Variants in LIN28B observed in about 807,000 individuals in gnomAD.
LIN28B encodes the protein protein lin-28 homolog B.
A neutral mutation model predicts 21.9 loss-of-function variants in LIN28B; 5 were observed. The ratio of observed to expected loss-of-function variants is 0.23; its 90% confidence interval spans 0.12 to 0.48. LIN28B has a LOEUF of 0.48. Ranked by LOEUF, LIN28B falls within the 20% of genes least tolerant of loss-of-function variation. The pLI, the probability that LIN28B is intolerant of heterozygous loss-of-function variation, is 0.98. For missense variants in LIN28B, 245 were observed against 310.5 expected (o/e 0.79, Z 1.58); for synonymous variants, 109 against 111.3 (o/e 0.98, Z 0.13).
chr6:105,063,425 C>T (rs559279670), intron 3 of LIN28B, among the ~76,000 whole-genome samples: 1 of 152,132 alleles, frequency 6.6e-6, no homozygotes, highest in Non-Finnish European at 1.5e-5. Flanking sequence ...CACTTGAGGT[C>T]AGGAGTTCAA....
chr6:104,974,834 T>TTA (rs1562078033), intron 2 of LIN28B, among the ~76,000 whole-genome samples: 49 of 150,738 alleles, frequency 3.3e-4, no homozygotes, highest in Admixed American at 9.2e-4. Context: ...TATTATTATT[T>TTA]TTTGAGATGG....
intron 2 of LIN28B, among the ~76,000 whole-genome samples, chr6:105,020,900 C>T (rs1771126966): frequency 6.6e-6 from 1 of 151,690 alleles, no homozygotes; most frequent in Admixed American, 6.6e-5. Flanking sequence ...CTACAGACGC[C>T]CACCACCACG....
chr6:104,957,286 C>G, intron 1 of LIN28B, 26 bp downstream of exon 1: 16 of 1,540,870 alleles, frequency 1.0e-5, no homozygotes, highest in Non-Finnish European at 1.3e-5. Flanking sequence ...TATTGTTTTA[C>G]TGTGAATTTC....
At chr6:104,976,241 A>G (rs2114598078) in intron 2 of LIN28B, among the ~76,000 whole-genome samples, 1 of 152,316 alleles carries the variant, frequency 6.6e-6, no homozygotes, top group East Asian at 1.9e-4. Context: ...CATCACACAA[A>G]TGAAAGTAAA....
chr6:105,044,582 C>A (rs1771703250), intron 3 of LIN28B, among the ~76,000 whole-genome samples: 1 of 152,126 alleles, frequency 6.6e-6, no homozygotes, highest in African/African-American at 2.4e-5. Flanking sequence ...AATTTCAATT[C>A]CCACAATGAA....
Position 105,079,015 on chromosome 6 carries a change from TGA to T in LIN28B, c.*236_*237del. 1 of 470,238 alleles carries T rather than the reference TGA, an allele frequency of 2.1e-6. No homozygotes were observed. Among genetic ancestry groups the T allele is most frequent in the Non-Finnish European group, 3.8e-6 (1 of 264,750 alleles). 29.1% of individuals were successfully genotyped at this position (470,238 alleles called of 1,614,324 possible). A position where few individuals can be genotyped will look rare whatever the true frequency, so the allele number is the denominator to read the frequency against. ...CTATGTCTGTCAATATGTGCATGTG[TGA>T]GAGGGAGAGAGCCTGAGTCTGTGTG... On this transcript the variant is annotated 3_prime_UTR_variant, in exon 4 of 4. Coordinates refer to ENST00000345080, the MANE Select transcript of LIN28B (RefSeq NM_001004317.4).
At chr6:104,993,363 G>T (rs1770534348) in intron 2 of LIN28B, among the ~76,000 whole-genome samples, 1 of 152,116 alleles carries the variant, frequency 6.6e-6, no homozygotes, top group Admixed American at 6.6e-5. Flanking sequence ...GAGCTACTTG[G>T]GAGGCTGAGG....
chr6:105,080,060 C>T lies in LIN28B; in HGVS notation c.*1277C>T, dbSNP rs905676108. On this transcript the variant is annotated 3_prime_UTR_variant, in exon 4 of 4. Transcript: ENST00000345080. The stretch of plus-strand genomic sequence containing the variant: ...GTAACTTTGATCTTATGGAAGTGAC[C>T]TTCAATGCTTATTCTGAAGTAACCT... The T allele has an allele frequency of 2.0e-5, 3 of 152,116 alleles. No homozygotes were observed. Among genetic ancestry groups the T allele is most frequent in the African/African-American group, 2.4e-5 (1 of 41,386 alleles). 9.4% of individuals were successfully genotyped at this position (152,116 alleles called of 1,614,324 possible).
chr6:104,981,065 G>T (rs1381649462), intron 2 of LIN28B, among the ~76,000 whole-genome samples: 2 of 152,138 alleles, frequency 1.3e-5, no homozygotes, highest in Non-Finnish European at 2.9e-5. Context: ...AAAATACAGT[G>T]TAATAAAGGA....
intron 3 of LIN28B, among the ~76,000 whole-genome samples, chr6:105,049,525 G>T (rs941087020): frequency 6.6e-6 from 1 of 152,152 alleles, no homozygotes; most frequent in Non-Finnish European, 1.5e-5. Context: ...GGTCCGCTTG[G>T]TCCAGAGCTG....
At chr6:104,952,991 C>T (rs1381884298), upstream of LIN28B, among the ~76,000 whole-genome samples, 5 of 152,208 alleles carry the variant, frequency 3.3e-5, no homozygotes, top group Non-Finnish European at 7.3e-5. Flanking sequence ...CTGCAAGACC[C>T]AAGCACCCAG....
chr6:104,995,874 G>T (rs1770588624), intron 2 of LIN28B, among the ~76,000 whole-genome samples: 1 of 151,410 alleles, frequency 6.6e-6, no homozygotes, highest in Admixed American at 6.6e-5. Context: ...AAGTAGCTTG[G>T]GCTTATATAA....
At chr6:104,979,557 C>G (rs1770177024) in intron 2 of LIN28B, among the ~76,000 whole-genome samples, 1 of 151,846 alleles carries the variant, frequency 6.6e-6, no homozygotes, top group African/African-American at 2.4e-5. Flanking sequence ...GAGATAACCA[C>G]TGCTTACCCT....
chr6:105,030,592 CTTTT>C (rs980799980), intron 3 of LIN28B, among the ~76,000 whole-genome samples: 5 of 106,596 alleles, frequency 4.7e-5, no homozygotes, highest in East Asian at 2.6e-4. Flanking sequence ...TTCTTTCTTT[CTTTT>C]TTTTTTTTTT....
At chr6:104,946,749 A>G (rs772562356) in intron 2 of LIN28B, among the ~76,000 whole-genome samples, 1 of 152,204 alleles carries the variant, frequency 6.6e-6, no homozygotes. Context: ...GTTCAGTGAT[A>G]GTTGACACAT....
At chr6:105,047,781 T>C (rs1771801579) in intron 3 of LIN28B, among the ~76,000 whole-genome samples, 1 of 152,190 alleles carries the variant, frequency 6.6e-6, no homozygotes, top group Non-Finnish European at 1.5e-5. Flanking sequence ...TTTGAAGCAA[T>C]TGTGAATGGG....
chr6:104,991,605 T>C (rs1770481379), intron 2 of LIN28B, among the ~76,000 whole-genome samples: 1 of 151,444 alleles, frequency 6.6e-6, no homozygotes. Context: ...ACTTCCCAGA[T>C]GGGGTGGTGG....
At position 105,066,417 on chromosome 6, in the gene LIN28B, C is replaced by T. The variant is rs144582855; in HGVS notation, c.384-11997C>T. Among the ~76,000 whole-genome samples the T allele has an allele frequency of 1.1e-3, 165 of 152,240 alleles. 4 individuals are homozygous for T. The East Asian group carries it at 0.028, about 26-fold the overall frequency. ...ACTAGGGTAACATCTTTTAATCTAG[C>T]GCCCTTTTGCCCCTGGCTTGCAAAC... is the stretch of plus-strand genomic sequence containing the variant. On this transcript the variant is annotated intron_variant, in intron 3 of 3. Transcript: ENST00000345080.
chr6:104,949,181 C>G (rs1169717557), intron 2 of LIN28B, among the ~76,000 whole-genome samples: 1 of 152,056 alleles, frequency 6.6e-6, no homozygotes, highest in Admixed American at 6.6e-5. Context: ...TACAGTTGTG[C>G]TGAAATATTT....
Sources: allele counts gnomAD v4.1 joint callset (sites outside exome capture counted in the v4.1 genomes callset), GRCh38; gene constraint gnomAD v4.1.1; transcripts MANE v1.5; gene names NCBI Gene and HGNC (gene_info 2026-07-23, HGNC 2026-07-21).